The following BBS9 variants were observed in gnomAD, a reference collection of about 807,000 sequenced individuals.
BBS9 encodes the protein Bardet-Biedl syndrome 9.
Under a neutral mutation model 117.7 loss-of-function variants are expected in BBS9, and 89 were observed. That is an observed-to-expected ratio of 0.76 (90% confidence interval 0.64 to 0.90). The LOEUF (loss-of-function observed/expected upper bound fraction) is 0.90. Among genes scored for constraint, BBS9 ranks in the 40% least tolerant of loss-of-function variants. BBS9 has a pLI of 0.00. For missense variants in BBS9, 982 were observed against 1,042.2 expected (o/e 0.94, Z 0.80); for synonymous variants, 379 against 370.9 (o/e 1.02, Z -0.25).
chr7:33,364,447 T>C (rs1821259297), intron 16 of BBS9, among the ~76,000 whole-genome samples: 1 of 151,962 alleles, frequency 6.6e-6, no homozygotes, highest in African/African-American at 2.4e-5. Flanking sequence ...ATTTGGAAGG[T>C]TTTCTCTTAT....
At chr7:33,612,576 G>A (rs554106905) in intron 21 of BBS9, among the ~76,000 whole-genome samples, 186 of 151,916 alleles carry the variant, frequency 1.2e-3, no homozygotes, top group African/African-American at 4.3e-3. Context: ...TCCTTCATTT[G>A]AGTCCCTCCC....
chr7:33,380,938 A>C (rs1354286045), intron 17 of BBS9: 1 of 152,122 alleles, frequency 6.6e-6, no homozygotes, highest in Admixed American at 6.5e-5. Flanking sequence ...GACACACATA[A>C]AAATAAGGAT....
intron 9 of BBS9, among the ~76,000 whole-genome samples, chr7:33,277,973 T>C (rs1411779736): frequency 6.6e-6 from 1 of 152,216 alleles, no homozygotes; most frequent in South Asian, 2.1e-4. Context: ...TGTTCTCTCA[T>C]TAGCTTTACA....
At chr7:33,263,918 T>C (rs1261224189) in intron 6 of BBS9, among the ~76,000 whole-genome samples, 1 of 152,128 alleles carries the variant, frequency 6.6e-6, no homozygotes, top group Non-Finnish European at 1.5e-5. Context: ...GTATTGATAA[T>C]TTCTACTCCA....
intron 21 of BBS9, among the ~76,000 whole-genome samples, chr7:33,547,038 G>T (rs1853500989): frequency 6.6e-6 from 1 of 151,858 alleles, no homozygotes; most frequent in Non-Finnish European, 1.5e-5. Context: ...TTTTTATTTT[G>T]AAATAATTAT....
rs1254849685 is a variant in BBS9 at position 33,565,791 on chromosome 7, A to G, written c.2521+31615A>G. The stretch of plus-strand genomic sequence containing the variant: ...TTAAGGCTATCAGTAGTATATATAT[A>G]TATATATATATATATATATATATAT... On this transcript the variant is annotated intron_variant, in intron 21 of 22. Transcript: ENST00000242067. Among the ~76,000 whole-genome samples the G allele has an allele frequency of 1.6e-3, 56 of 36,124 alleles. 1 individual carries two copies. Among genetic ancestry groups the G allele is most frequent in the East Asian group, 0.012 (11 of 902 alleles). 23.7% of individuals were successfully genotyped at this position (36,124 alleles called of 152,430 possible). A position where few individuals can be genotyped will look rare whatever the true frequency, so the allele number is the denominator to read the frequency against.
At chr7:33,132,826 A>G (rs369642042) in intron 1 of BBS9, among the ~76,000 whole-genome samples, 6 of 152,216 alleles carry the variant, frequency 3.9e-5, no homozygotes, top group African/African-American at 4.8e-5. Context: ...TTTATGGCTA[A>G]TTTTTCATTT....
chr7:33,297,803 T>C (rs1805582903), intron 9 of BBS9, among the ~76,000 whole-genome samples: 1 of 152,116 alleles, frequency 6.6e-6, no homozygotes, highest in Non-Finnish European at 1.5e-5. Context: ...TCTTTAAAAA[T>C]TGAGCATAGG....
intron 21 of BBS9, among the ~76,000 whole-genome samples, chr7:33,575,019 C>T (rs1428008407): frequency 3.3e-5 from 5 of 151,996 alleles, no homozygotes; most frequent in Non-Finnish European, 7.4e-5. Context: ...TATCTGGCTT[C>T]TACTATTATG....
chr7:33,366,767 A>G (rs925839664), intron 16 of BBS9, among the ~76,000 whole-genome samples: 1 of 151,752 alleles, frequency 6.6e-6, no homozygotes, highest in Admixed American at 6.6e-5. Flanking sequence ...GATGGTCTCG[A>G]TCTCCTTACC....
intron 5 of BBS9, among the ~76,000 whole-genome samples, chr7:33,219,575 AC>A (rs1329433526): frequency 2.0e-5 from 3 of 152,132 alleles, no homozygotes; most frequent in Middle Eastern, 3.2e-3. Flanking sequence ...TTGTGAATGC[AC>A]CAATTGACAC....
intron 10 of BBS9, among the ~76,000 whole-genome samples, chr7:33,338,357 A>C (rs563415903): frequency 6.6e-6 from 1 of 152,132 alleles, no homozygotes; most frequent in Non-Finnish European, 1.5e-5. Context: ...AAAGCACAAA[A>C]TTGTTTTATT....
chr7:33,502,955 ACT>A (rs1845650018), intron 19 of BBS9, among the ~76,000 whole-genome samples: 1 of 151,924 alleles, frequency 6.6e-6, no homozygotes, highest in African/African-American at 2.4e-5. Flanking sequence ...TTTCTTCAGT[ACT>A]CTCTCTTTCA....
At chr7:33,581,416 C>G (rs1165014242) in intron 21 of BBS9, among the ~76,000 whole-genome samples, 1 of 152,182 alleles carries the variant, frequency 6.6e-6, no homozygotes, top group East Asian at 1.9e-4. Context: ...TAACTTGTTC[C>G]TGTAAAAACA....
rs1562672800 is a variant in BBS9, at chr7:33,146,377, C to T, written c.112+13C>T. On this transcript the variant is annotated intron_variant, in intron 2 of 22. Coordinates refer to ENST00000242067, the MANE Select transcript of BBS9 (RefSeq NM_198428.3). Reference sequence around the variant, plus strand: ...GGAAATGGACAAGGTAAGCAACTTACAACCATACATCTTGGATGAAAGTTT... The same window carrying T: ...GGAAATGGACAAGGTAAGCAACTTATAACCATACATCTTGGATGAAAGTTT... 1 of 1,580,766 alleles carries T rather than the reference C, an allele frequency of 6.3e-7. No homozygotes were observed. Among genetic ancestry groups the T allele is most frequent in the Non-Finnish European group, 8.7e-7 (1 of 1,149,714 alleles).
At chr7:33,594,256 C>T (rs1273038198) in intron 21 of BBS9, among the ~76,000 whole-genome samples, 3 of 152,136 alleles carry the variant, frequency 2.0e-5, no homozygotes, top group Admixed American at 6.5e-5. Flanking sequence ...TGGGTACATG[C>T]ATAGTCTTAA....
intron 21 of BBS9, among the ~76,000 whole-genome samples, chr7:33,625,904 T>G (rs1199770463): frequency 6.6e-6 from 1 of 152,220 alleles, no homozygotes; most frequent in Non-Finnish European, 1.5e-5. Flanking sequence ...CACTAAATTA[T>G]ATGTCTGAAA....
At chr7:33,307,626 A>T (rs1473819591) in intron 9 of BBS9, among the ~76,000 whole-genome samples, 1 of 152,172 alleles carries the variant, frequency 6.6e-6, no homozygotes, top group African/African-American at 2.4e-5. Context: ...ACCTATGTAC[A>T]TCTTCCTGTA....
At chr7:33,249,320 A>C (rs1265465288) in intron 5 of BBS9, among the ~76,000 whole-genome samples, 1 of 152,044 alleles carries the variant, frequency 6.6e-6, no homozygotes, top group Admixed American at 6.6e-5. Context: ...AATAGAGAAG[A>C]CTGTTAAATT....
Sources: allele counts gnomAD v4.1 joint callset (sites outside exome capture counted in the v4.1 genomes callset), GRCh38; gene constraint gnomAD v4.1.1; transcripts MANE v1.5; gene names NCBI Gene and HGNC (gene_info 2026-07-23, HGNC 2026-07-21).